The following NAV3 variants were observed in gnomAD, a reference collection of about 807,000 sequenced individuals.
The protein encoded by NAV3 is pore membrane and/or filament interacting like protein 1.
In NAV3, 87 loss-of-function variants were observed where a neutral mutation model predicts 244.7. That is an observed-to-expected ratio of 0.36 (90% CI 0.30 to 0.42). The LOEUF is 0.42. Ranked by LOEUF, NAV3 falls within the 20% of genes least tolerant of loss-of-function variation. The probability of loss-of-function intolerance (pLI) is 1.00; values close to 1 mark genes in which losing one functional copy is unlikely to be tolerated. For missense variants in NAV3, 2,663 were observed against 2,893.3 expected (o/e 0.92, Z 1.83); for synonymous variants, 1,126 against 1,042.2 (o/e 1.08, Z -1.55).
intron 2 of NAV3, among the ~76,000 whole-genome samples, chr12:77,767,927 A>G (rs11106633): frequency 6.6e-6 from 1 of 152,326 alleles, no homozygotes; most frequent in Admixed American, 6.5e-5. Context: ...TTTGTCCCAC[A>G]TCCAGGAAGA....
At chr12:78,045,876 T>A (rs1441904398) in intron 9 of NAV3, among the ~76,000 whole-genome samples, 1 of 152,204 alleles carries the variant, frequency 6.6e-6, no homozygotes, top group Non-Finnish European at 1.5e-5. Context: ...ATTTTTTTGG[T>A]TGGTAGGCTA....
At position 78,175,262 on chromosome 12, in the gene NAV3, G is replaced by C. The variant is rs566941050; in HGVS notation, c.4982-44G>C. On this transcript the variant is annotated intron_variant, in intron 24 of 39. Transcript: ENST00000397909. ...CCTAAAAGACTTATTTGTTCAGATC[G>C]AGACTCTTCATGAGCCGATGTGATA... The C allele has an allele frequency of 2.5e-6, 4 of 1,601,322 alleles. No homozygotes were observed. The African/African-American group carries it at 5.4e-5, about 21-fold the overall frequency.
intron 2 of NAV3, among the ~76,000 whole-genome samples, chr12:77,748,167 G>C (rs1431707821): frequency 1.3e-5 from 2 of 152,056 alleles, no homozygotes; most frequent in Admixed American, 1.3e-4. Context: ...ATTCTGGAAG[G>C]GTCCAGTGCT....
At chr12:77,621,716 G>A (rs1036672433) in intron 2 of NAV3, among the ~76,000 whole-genome samples, 3 of 151,900 alleles carry the variant, frequency 2.0e-5, no homozygotes, top group African/African-American at 7.3e-5. Context: ...TTGACCTTGC[G>A]ATCCGCCCAC....
intron 7 of NAV3, among the ~76,000 whole-genome samples, chr12:78,003,157 G>T (rs1372718709): frequency 6.6e-6 from 1 of 151,112 alleles, no homozygotes; most frequent in Non-Finnish European, 1.5e-5. Flanking sequence ...GGCAATACAC[G>T]AGCAATTATT....
At chr12:77,746,191 A>G (rs1476120414) in intron 2 of NAV3, among the ~76,000 whole-genome samples, 1 of 152,036 alleles carries the variant, frequency 6.6e-6, no homozygotes, top group East Asian at 1.9e-4. Context: ...GTTGGCAAAC[A>G]TTTTCTCACG....
chr12:78,115,798 A>T (rs1402209239), intron 12 of NAV3, among the ~76,000 whole-genome samples: 14 of 152,228 alleles, frequency 9.2e-5, no homozygotes, highest in African/African-American at 2.9e-4. Flanking sequence ...GCTATACCAC[A>T]TACCTTAGGT....
At chr12:78,035,179 G>T (rs2137003697) in intron 9 of NAV3, among the ~76,000 whole-genome samples, 1 of 152,240 alleles carries the variant, frequency 6.6e-6, no homozygotes, top group South Asian at 2.1e-4. Flanking sequence ...ATGAGATTGG[G>T]TATTTCCTCT....
chr12:77,592,468 T>A (rs1869950688), intron 2 of NAV3, among the ~76,000 whole-genome samples: 1 of 152,198 alleles, frequency 6.6e-6, no homozygotes, highest in African/African-American at 2.4e-5. Flanking sequence ...TTTGTGTCAC[T>A]CTGAAGCGAT....
intron 9 of NAV3, among the ~76,000 whole-genome samples, chr12:78,038,777 T>C (rs540550768): frequency 5.3e-5 from 8 of 152,320 alleles, no homozygotes; most frequent in African/African-American, 1.7e-4. Flanking sequence ...AATCAGATAA[T>C]ATTCCTCTTT....
Position 78,116,850 on chromosome 12 carries a change from A to C in NAV3, c.2715A>C (p.Thr905=). The C allele has an allele frequency of 6.2e-7, 1 of 1,613,534 alleles. No homozygotes were observed. Among genetic ancestry groups the C allele is most frequent in the Non-Finnish European group, 8.5e-7 (1 of 1,179,712 alleles). The change falls in exon 13 of 40, where the codon ACA becomes ACC. Residue 905 remains threonine, a synonymous_variant. Coordinates refer to ENST00000397909, the MANE Select transcript of NAV3 (RefSeq NM_001024383.2). ...TCAGCACTGATGACCTGAACACCAC[A>C]TCCTCTGTCAGCTCTTACTCCAACA... ...DNISTDDLNT[T]SSVSSYSNIT...
intron 1 of NAV3, among the ~76,000 whole-genome samples, chr12:77,916,383 A>T (rs1378969867): frequency 6.6e-6 from 1 of 152,028 alleles, no homozygotes; most frequent in East Asian, 1.9e-4. Flanking sequence ...GTTGTACTAC[A>T]TGTAGTCCAT....
Position 78,200,463 on chromosome 12 carries a change from T to C in NAV3, c.6716-10T>C. 6.7e-7 allele frequency: 1 copy of C among 1,483,310 alleles called. No homozygotes were observed. The highest frequency in any genetic ancestry group is 9.2e-7 in the Non-Finnish European group (1 of 1,089,438). The allele number at this position is 1,483,310 out of a possible 1,614,324, so 91.9% of individuals were successfully genotyped here. ...ACTCTTAAAATATTTTGTTATTTAT[T>C]TCTTATCAGGTCCCCGACTATTCCT... On this transcript the variant is annotated splice_polypyrimidine_tract_variant and intron_variant, in intron 37 of 39. Coordinates refer to ENST00000397909, the MANE Select transcript of NAV3 (RefSeq NM_001024383.2).
chr12:77,771,414 G>A (rs936602945), intron 2 of NAV3, among the ~76,000 whole-genome samples: 10 of 152,238 alleles, frequency 6.6e-5, no homozygotes, highest in African/African-American at 1.9e-4. Context: ...CCATTACTGG[G>A]TATATACCCA....
chr12:78,195,385 T>C (rs1181458440), intron 34 of NAV3, among the ~76,000 whole-genome samples: 1 of 152,008 alleles, frequency 6.6e-6, no homozygotes, highest in Non-Finnish European at 1.5e-5. Context: ...TGCTTTTTTT[T>C]CCCTTTTAAC....
At chr12:77,742,468 T>C (rs1456318604) in intron 2 of NAV3, among the ~76,000 whole-genome samples, 1 of 151,964 alleles carries the variant, frequency 6.6e-6, no homozygotes, top group Non-Finnish European at 1.5e-5. Context: ...TTGTGACAGT[T>C]TGAAAAAATT....
chr12:77,960,130 C>T (rs1385492032), intron 3 of NAV3, among the ~76,000 whole-genome samples: 1 of 151,692 alleles, frequency 6.6e-6, no homozygotes, highest in Non-Finnish European at 1.5e-5. Context: ...CAGCTCCCAC[C>T]AGCAGACATG....
At position 77,976,669 on chromosome 12, in the gene NAV3, T is replaced by TC. The variant is rs1177626907; in HGVS notation, c.671+7967_671+7968insC. Among the ~76,000 whole-genome samples the TC allele has an allele frequency of 2.1e-3, 171 of 82,040 alleles. 2 individuals carry two copies. The highest frequency in any genetic ancestry group is 3.3e-3 in the Non-Finnish European group (140 of 41,922). 53.8% of individuals were successfully genotyped at this position (82,040 alleles called of 152,430 possible). On this transcript the variant is annotated intron_variant, in intron 5 of 39. Transcript: ENST00000397909. ...TTCTTTCTTTCTTTCTTTCTTTCTT[T>TC]TTTTCTTTTTTTTTTTTTTTTTTGA...
chr12:77,925,552 A>C (rs1410954878), intron 1 of NAV3, among the ~76,000 whole-genome samples: 1 of 151,942 alleles, frequency 6.6e-6, no homozygotes, highest in Non-Finnish European at 1.5e-5. Context: ...GGGGAGGTTT[A>C]GGGTGGCTGT....
Sources: allele counts gnomAD v4.1 joint callset (sites outside exome capture counted in the v4.1 genomes callset), GRCh38; gene constraint gnomAD v4.1.1; transcripts MANE v1.5; gene names NCBI Gene and HGNC (gene_info 2026-07-23, HGNC 2026-07-21).